Variants in ATP2B2 observed in about 807,000 individuals in gnomAD.
The protein encoded by ATP2B2 is ATPase plasma membrane Ca2+ transporting 2.
A neutral mutation model predicts 120.0 loss-of-function variants in ATP2B2; 15 were observed. The ratio of observed to expected loss-of-function variants is 0.12; its 90% CI spans 0.08 to 0.19. The LOEUF is 0.19. Among genes scored for constraint, ATP2B2 ranks in the 10% least tolerant of loss-of-function variants. ATP2B2 has a pLI of 1.00. For missense variants in ATP2B2, 1,045 were observed against 1,719.8 expected (o/e 0.61, Z 6.94); for synonymous variants, 694 against 700.3 (o/e 0.99, Z 0.14).
chr3:10,388,461 G>A, intron 5 of ATP2B2, 59 bp from the exon 6 acceptor site: 1 of 1,613,124 alleles, frequency 6.2e-7, no homozygotes, highest in Non-Finnish European at 8.5e-7. Context: ...CTCCCCAAAG[G>A]AGTGAAAAAA....
intron 11 of ATP2B2, among the ~76,000 whole-genome samples, chr3:10,374,447 A>T (rs1198136241): frequency 6.6e-6 from 1 of 152,198 alleles, no homozygotes; most frequent in Non-Finnish European, 1.5e-5. Flanking sequence ...CCCAGCCCAA[A>T]TTCCAGCTTG....
In ATP2B2 at chr3:10,454,376, A is replaced by T. The variant is rs2064179921; in HGVS notation, c.-319-4514T>A. On this transcript the variant is annotated intron_variant, in intron 1 of 22. Coordinates refer to ENST00000360273, the MANE Select transcript of ATP2B2 (RefSeq NM_001001331.4). ...AGATGAATCATGAAGAAACTGAAAT[A>T]CACAACTGTCTGCTAGTAAAAGGTG... Among the ~76,000 whole-genome samples the T allele has an allele frequency of 2.0e-5, 3 of 152,350 alleles. No homozygotes were observed. In the South Asian group the frequency reaches 6.2e-4, roughly 32 times the overall value.
chr3:10,590,181 A>T (rs2125575960), intron 2 of ATP2B2, among the ~76,000 whole-genome samples: 1 of 152,332 alleles, frequency 6.6e-6, no homozygotes, highest in South Asian at 2.1e-4. Flanking sequence ...CATTGATATG[A>T]TATGATTTTT....
In ATP2B2 at chr3:10,360,121, G is replaced by T. The variant is rs1242796134; in HGVS notation, c.1662C>A (p.Pro554=). 6 of 1,590,752 alleles carry T rather than the reference G, an allele frequency of 3.8e-6. No homozygotes were observed. In the Admixed American group the frequency reaches 6.7e-5, roughly 18 times the overall value. ...INSAYTTKIL[P]PEKEGALPRQ... ...GAGGCAGGGCGCCCTCCTTCTCTGGGGGCTGCAGAGAGAGGAAGGAGCGGC... is the reference window on the plus strand; with the variant it reads ...GAGGCAGGGCGCCCTCCTTCTCTGGTGGCTGCAGAGAGAGGAAGGAGCGGC... Residue 554 remains proline (P), a splice_region_variant and synonymous_variant, in exon 13 of 23, where the codon CCC becomes CCA. Transcript: ENST00000360273.
Position 10,371,842 on chromosome 3 carries a change from G to T in ATP2B2, c.1626C>A (p.Ile542=). ...TKTMELLINA[I]AINSAYTTKI... is the part of the protein sequence containing the mutation. ...TGGTGGTGTAGGCGCTGTTGATGGC[G>T]ATGGCATTGATCAGCAGCTCCATGG... The change falls in exon 12 of 23, where the codon ATC becomes ATA. Residue 542 remains isoleucine, a synonymous_variant. Transcript: ENST00000360273. The T allele has an allele frequency of 6.2e-7, 1 of 1,614,120 alleles. No homozygotes were observed. Among genetic ancestry groups the T allele is most frequent in the Non-Finnish European group, 8.5e-7 (1 of 1,180,010 alleles).
At chr3:10,632,217 T>C (rs2069884450) in intron 1 of ATP2B2, among the ~76,000 whole-genome samples, 1 of 151,784 alleles carries the variant, frequency 6.6e-6, no homozygotes, top group African/African-American at 2.4e-5. Context: ...TCTTAAAAAA[T>C]GGGAATACCA....
At chr3:10,582,189 T>C (rs746359395) in intron 2 of ATP2B2, among the ~76,000 whole-genome samples, 10 of 152,100 alleles carry the variant, frequency 6.6e-5, no homozygotes, top group Non-Finnish European at 1.2e-4. Context: ...AGTTTTGGGG[T>C]CGTTGTTTCT....
At chr3:10,435,461 A>G (rs548368374) in intron 2 of ATP2B2, among the ~76,000 whole-genome samples, 1 of 152,240 alleles carries the variant, frequency 6.6e-6, no homozygotes, top group East Asian at 1.9e-4. Flanking sequence ...CCCTGTCCCC[A>G]TTTTGAGGTG....
chr3:10,406,202 C>T (rs930487741), intron 3 of ATP2B2, among the ~76,000 whole-genome samples: 1 of 152,222 alleles, frequency 6.6e-6, no homozygotes, highest in African/African-American at 2.4e-5. Flanking sequence ...CCCCTCACTC[C>T]TGTTCATCAG....
intron 1 of ATP2B2, among the ~76,000 whole-genome samples, chr3:10,503,545 C>T (rs112498809): frequency 7.2e-4 from 109 of 152,384 alleles, no homozygotes; most frequent in African/African-American, 2.4e-3. Context: ...AAGGGGCAAG[C>T]TCTCCCTAGC....
chr3:10,495,796 C>T (rs1336145742), intron 1 of ATP2B2, among the ~76,000 whole-genome samples: 1 of 152,264 alleles, frequency 6.6e-6, no homozygotes. Context: ...GATAAGGAAA[C>T]TGAGGCTCTG....
chr3:10,414,426 G>A (rs1395429377), intron 2 of ATP2B2, among the ~76,000 whole-genome samples: 3 of 152,136 alleles, frequency 2.0e-5, no homozygotes, highest in Non-Finnish European at 4.4e-5. Flanking sequence ...TGGGGGTTGG[G>A]TGGGTTTTGT....
chr3:10,526,065 C>G (rs989347224), intron 3 of ATP2B2, among the ~76,000 whole-genome samples: 9 of 152,186 alleles, frequency 5.9e-5, no homozygotes, highest in Non-Finnish European at 1.5e-5. Flanking sequence ...GCCTGGTGCA[C>G]AGTAAGTGTT....
chr3:10,489,189 G>T (rs957512605), intron 1 of ATP2B2, among the ~76,000 whole-genome samples: 17 of 152,172 alleles, frequency 1.1e-4, no homozygotes, highest in African/African-American at 3.4e-4. Flanking sequence ...AGTCTTCCCT[G>T]ACCTGATTCA....
intron 1 of ATP2B2, among the ~76,000 whole-genome samples, chr3:10,466,748 A>G (rs540867693): frequency 6.6e-6 from 1 of 152,368 alleles, no homozygotes; most frequent in South Asian, 2.1e-4. Context: ...AAATGGAATT[A>G]TATGAGTGTT....
At chr3:10,435,492 A>C (rs1029415038) in intron 2 of ATP2B2, among the ~76,000 whole-genome samples, 17 of 152,072 alleles carry the variant, frequency 1.1e-4, no homozygotes, top group Non-Finnish European at 2.5e-4. Context: ...CTTCAAGAGC[A>C]CTTCTCCAGT....
chr3:10,327,579 A>G lies in ATP2B2; in HGVS notation c.*1235T>C, dbSNP rs910633429. ...ACACAATACCATTTATAATATTTCA[A>G]CACTACCTCAATCTCTGTACAGACA... is the stretch of plus-strand genomic sequence containing the variant. On this transcript the variant is annotated 3_prime_UTR_variant, in exon 23 of 23. Transcript: ENST00000360273. 6.5e-6 allele frequency: 1 copy of G among 152,702 alleles called. No homozygotes were observed. The allele number at this position is 152,702 out of a possible 1,614,324, so 9.5% of individuals were successfully genotyped here. A position where few individuals can be genotyped will look rare whatever the true frequency, so the allele number is the denominator to read the frequency against.
At chr3:10,572,464 T>C (rs568013369) in intron 2 of ATP2B2, among the ~76,000 whole-genome samples, 147 of 152,370 alleles carry the variant, frequency 9.6e-4, no homozygotes, top group African/African-American at 3.2e-3. Flanking sequence ...ATATATTTAA[T>C]GCTGCTGAAC....
chr3:10,434,735 C>T (rs2063423473), intron 2 of ATP2B2, among the ~76,000 whole-genome samples: 1 of 152,264 alleles, frequency 6.6e-6, no homozygotes, highest in South Asian at 2.1e-4. Context: ...CCTCCAACCC[C>T]TGGGTCTGGG....
Sources: gnomAD v4.1 joint callset for allele counts (sites outside exome capture counted in the v4.1 genomes callset) on GRCh38, gnomAD v4.1.1 for gene constraint, MANE v1.5 for transcripts, NCBI Gene and HGNC (gene_info 2026-07-23, HGNC 2026-07-21) for gene names.